The following NOX4 variants were observed in gnomAD, a reference collection of about 807,000 sequenced individuals.
The protein encoded by NOX4 is kidney oxidase-1.
In NOX4, 69 loss-of-function variants were observed where a neutral mutation model predicts 87.6. The observed-to-expected ratio is 0.79, with a 90% CI of 0.65 to 0.96. The LOEUF (loss-of-function observed/expected upper bound fraction) is 0.96. Among genes scored for constraint, NOX4 ranks in the 40% least tolerant of loss-of-function variants. The pLI, the probability that NOX4 is intolerant of heterozygous loss-of-function variation, is 0.00. For synonymous variants in NOX4, 275 were observed against 238.2 expected (o/e 1.15, Z -1.42); for missense variants, 680 against 681.5 (o/e 1.00, Z 0.02).
chr11:89,378,652 GA>G (rs1940043725), intron 11 of NOX4, among the ~76,000 whole-genome samples: 1 of 152,008 alleles, frequency 6.6e-6, no homozygotes, highest in Non-Finnish European at 1.5e-5. Context: ...AAATATAGGA[GA>G]AAAATATAGG....
Position 89,366,587 on chromosome 11 carries a change from G to A in NOX4, c.1135+6845C>T, listed in dbSNP as rs553658416. Among the ~76,000 whole-genome samples, 18 of 151,488 alleles carry A rather than the reference G, an allele frequency of 1.2e-4. No individual in the cohort carries two copies. The South Asian group carries it at 3.8e-3, about 32-fold the overall frequency. On this transcript the variant is annotated intron_variant, in intron 12 of 17. Transcript: ENST00000263317. ...GTTACTCAGGAGGCTGACATGTGAG[G>A]ATCCATAGATCCTTCCATAGATCCT...
the NOX4 span, among the ~76,000 whole-genome samples, chr11:89,540,832 A>AAAAAAT: frequency 7.3e-6 from 1 of 136,748 alleles, no homozygotes; most frequent in Non-Finnish European, 1.6e-5. Flanking sequence ...AAAAAAAAAA[A>AAAAAAT]TTGAAAGCTT....
chr11:89,328,592 T>C (rs1467283339), intron 17 of NOX4, among the ~76,000 whole-genome samples: 2 of 152,042 alleles, frequency 1.3e-5, no homozygotes, highest in Admixed American at 6.6e-5. Context: ...CTTTAAAATG[T>C]ACAGAAATCA....
chr11:89,433,122 G>A (rs1270877536), intron 6 of NOX4, among the ~76,000 whole-genome samples: 2 of 152,058 alleles, frequency 1.3e-5, no homozygotes, highest in African/African-American at 4.8e-5. Flanking sequence ...TCAGATCAGA[G>A]TAATTAGCAT....
the NOX4 span, among the ~76,000 whole-genome samples, chr11:89,575,934 A>T: frequency 6.6e-6 from 1 of 152,242 alleles, no homozygotes; most frequent in African/African-American, 2.4e-5. Context: ...ATTATTAGAA[A>T]AGTGATGTTT....
chr11:89,388,435 G>T (rs556559553), intron 11 of NOX4, among the ~76,000 whole-genome samples: 1 of 152,124 alleles, frequency 6.6e-6, no homozygotes, highest in South Asian at 2.1e-4. Context: ...GGGTTACAAA[G>T]ATTTGGCCCC....
At chr11:89,557,047 C>T in the NOX4 span, 1 of 152,048 alleles carries the variant, frequency 6.6e-6, no homozygotes, top group Non-Finnish European at 1.5e-5. Flanking sequence ...CTTGCTTATG[C>T]CTGAACATTT....
chr11:89,448,713 C>G (rs948773139), intron 4 of NOX4, among the ~76,000 whole-genome samples: 1 of 151,974 alleles, frequency 6.6e-6, no homozygotes. Context: ...GAAAGCCCGT[C>G]TCTACAAAAA....
At chr11:89,500,987 G>A (rs1464316868), upstream of NOX4, among the ~76,000 whole-genome samples, 1 of 152,016 alleles carries the variant, frequency 6.6e-6, no homozygotes, top group African/African-American at 2.4e-5. Context: ...GGACCTGCAG[G>A]CTAGAAAGTG....
chr11:89,566,284 C>T, the NOX4 span, among the ~76,000 whole-genome samples: 106 of 151,814 alleles, frequency 7.0e-4, no homozygotes, highest in African/African-American at 2.4e-3. Flanking sequence ...ACCTTGTGCT[C>T]CCCGCCCTTT....
At chr11:89,511,616 G>A in the NOX4 span, among the ~76,000 whole-genome samples, 3 of 152,050 alleles carry the variant, frequency 2.0e-5, no homozygotes, top group South Asian at 2.1e-4. Flanking sequence ...ATATCTGTGC[G>A]TCAGAAATAG....
chr11:89,485,553 CTCCT>C (rs1946558497), intron 2 of NOX4, among the ~76,000 whole-genome samples: 1 of 152,002 alleles, frequency 6.6e-6, no homozygotes, highest in Non-Finnish European at 1.5e-5. Flanking sequence ...AATTCAAGAG[CTCCT>C]ATAAATGGTG....
chr11:89,412,716 T>C (rs1942545254), intron 8 of NOX4, among the ~76,000 whole-genome samples: 1 of 152,038 alleles, frequency 6.6e-6, no homozygotes, highest in African/African-American at 2.4e-5. Context: ...GACCTGAAAC[T>C]ATGAAACCTC....
At chr11:89,396,762 G>A (rs1201944767) in intron 11 of NOX4, among the ~76,000 whole-genome samples, 1 of 152,164 alleles carries the variant, frequency 6.6e-6, no homozygotes, top group Non-Finnish European at 1.5e-5. Flanking sequence ...TCAGCAAGAA[G>A]AGCTAACTAT....
At chr11:89,396,432 C>T (rs1941489175) in intron 11 of NOX4, among the ~76,000 whole-genome samples, 1 of 152,092 alleles carries the variant, frequency 6.6e-6, no homozygotes, top group African/African-American at 2.4e-5. Context: ...TCTAAATATA[C>T]AATCATGTTA....
At chr11:89,340,324 G>C (rs533719673) in intron 14 of NOX4, among the ~76,000 whole-genome samples, 153 bp from the exon 15 acceptor site, 2 of 152,136 alleles carry the variant, frequency 1.3e-5, no homozygotes, top group South Asian at 2.1e-4. Context: ...ACATTCTAGC[G>C]TCTGATAGCA....
chr11:89,430,681 A>G (rs912821388), intron 7 of NOX4, among the ~76,000 whole-genome samples: 3 of 152,130 alleles, frequency 2.0e-5, no homozygotes, highest in Non-Finnish European at 4.4e-5. Context: ...AGAACTACAT[A>G]CCACTGCTCA....
the NOX4 span, among the ~76,000 whole-genome samples, chr11:89,549,885 A>C: frequency 1.2e-4 from 19 of 152,222 alleles, no homozygotes; most frequent in East Asian, 2.7e-3. Flanking sequence ...CATTTTCTTT[A>C]TCCAGTCTAT....
Position 89,432,777 on chromosome 11 carries a change from C to T in NOX4, c.548+7G>A. 1 of 1,592,030 alleles carries T rather than the reference C, an allele frequency of 6.3e-7. No individual in the cohort carries two copies. The highest frequency in any genetic ancestry group is 8.6e-7 in the Non-Finnish European group (1 of 1,161,084). On this transcript the variant is annotated splice_region_variant and intron_variant, in intron 7 of 17. Transcript: ENST00000263317. ...TACACATCAAAATAATTGATTCTGA[C>T]ACTTACCTTATTGCATATGTAGAGG...
Sources: allele counts gnomAD v4.1 joint callset (sites outside exome capture counted in the v4.1 genomes callset), GRCh38; gene constraint gnomAD v4.1.1; transcripts MANE v1.5; gene names NCBI Gene and HGNC (gene_info 2026-07-23, HGNC 2026-07-21).